ADAMTS7: variants seen among roughly 807,000 people sequenced by gnomAD.
ADAMTS7 encodes the protein ADAM metallopeptidase with thrombospondin type 1 motif 7.
A neutral mutation model predicts 172.6 loss-of-function variants in ADAMTS7; 89 were observed. That is an observed-to-expected ratio of 0.52 (90% CI 0.43 to 0.61). The LOEUF is 0.61. Ranked by LOEUF, ADAMTS7 falls within the 20% of genes least tolerant of loss-of-function variation. The pLI, the probability that ADAMTS7 is intolerant of heterozygous loss-of-function variation, is 0.00. For missense variants in ADAMTS7, 1,973 were observed against 2,355.6 expected (o/e 0.84, Z 3.36); for synonymous variants, 885 against 978.4 (o/e 0.90, Z 1.78).
At position 78,776,044 on chromosome 15, in the gene ADAMTS7, T is replaced by C. The variant is rs148491772; in HGVS notation, c.1706+144A>G. The C allele has an allele frequency of 2.2e-4, 259 of 1,151,570 alleles. 2 individuals are homozygous for C. Among genetic ancestry groups the C allele is most frequent in the Admixed American group, 2.1e-3 (67 of 32,386 alleles). 71.3% of individuals were successfully genotyped at this position (1,151,570 alleles called of 1,614,324 possible). A position where few individuals can be genotyped will look rare whatever the true frequency, so the allele number is the denominator to read the frequency against. ...CCCAGAACACTCCTTGAAAGTGACT[T>C]AAGGTGGCCTGGACACTCGGACTGA... is the stretch of plus-strand genomic sequence containing the variant. On this transcript the variant is annotated intron_variant, in intron 11 of 23. Coordinates refer to ENST00000388820, the MANE Select transcript of ADAMTS7 (RefSeq NM_014272.5).
chr15:78,795,939 G>A (rs1375441828), intron 4 of ADAMTS7, among the ~76,000 whole-genome samples: 1 of 152,184 alleles, frequency 6.6e-6, no homozygotes, highest in Non-Finnish European at 1.5e-5. Context: ...GCCCTGCCTG[G>A]TTGTGTGACC....
At chr15:78,775,245 T>C (rs1420696395) in intron 11 of ADAMTS7, among the ~76,000 whole-genome samples, 1 of 152,184 alleles carries the variant, frequency 6.6e-6, no homozygotes, top group African/African-American at 2.4e-5. Flanking sequence ...CTGGTGGCAG[T>C]ACCCCCAGCC....
Position 78,800,386 on chromosome 15 carries a change from C to G in ADAMTS7, c.262G>C (p.Gly88Arg), listed in dbSNP as rs767445542. 17 of 1,607,154 alleles carry G rather than the reference C, an allele frequency of 1.1e-5. No homozygotes were observed. Among genetic ancestry groups the G allele is most frequent in the Non-Finnish European group, 1.4e-5 (17 of 1,177,416 alleles). ...GTCAGGTTGAAGCGCAGCTCGCGCC[C>G]GCGGTATTGTAGCTCGTAGAAGGCG... ...APAFYELQYR[G>R]RELRFNLTAN... Residue 88 changes from glycine to arginine, a missense_variant, in exon 2 of 24, where the codon GGG becomes CGG. This residue lies in a region of ADAMTS7 where 306 missense variants were observed against 288.0 expected (regional missense o/e 1.06). Coordinates refer to ENST00000388820, the MANE Select transcript of ADAMTS7 (RefSeq NM_014272.5).
chr15:78,781,417 T>C (rs1361415988), intron 8 of ADAMTS7, among the ~76,000 whole-genome samples: 1 of 152,134 alleles, frequency 6.6e-6, no homozygotes, highest in Non-Finnish European at 1.5e-5. Context: ...GAAAGGACCT[T>C]GGGAGGATGG....
rs1457998327 is a variant in ADAMTS7 at position 78,800,355 on chromosome 15, T to C, written c.293A>G (p.Asn98Ser). The change falls in exon 2 of 24, where the codon AAT becomes AGT. Residue 98 changes from asparagine (N) to serine (S), a missense_variant. Physicochemically the swap from Asn to Ser is conservative, Grantham distance 46. Transcript: ENST00000388820. ...AAAGCCGGGCGCCAGCAGGTGCTGA[T>C]TGGCGGTCAGGTTGAAGCGCAGCTC... is the stretch of plus-strand genomic sequence containing the variant. Reference protein sequence around the residue: ...GRELRFNLTANQHLLAPGFVS... With the variant: ...GRELRFNLTASQHLLAPGFVS... 8 of 1,605,112 alleles carry C rather than the reference T, an allele frequency of 5.0e-6. No homozygotes were observed. Among genetic ancestry groups the C allele is most frequent in the African/African-American group, 2.7e-5 (2 of 74,600 alleles).
chr15:78,798,614 C>A (rs1202373569), intron 2 of ADAMTS7, among the ~76,000 whole-genome samples: 1 of 152,210 alleles, frequency 6.6e-6, no homozygotes, highest in Non-Finnish European at 1.5e-5. Context: ...CACAGCCACA[C>A]CCGAGCGGAG....
At position 78,771,247 on chromosome 15, in the gene ADAMTS7, C is replaced by G; in HGVS notation, c.2433G>C (p.Glu811Asp). 1 of 1,612,532 alleles carries G rather than the reference C, an allele frequency of 6.2e-7. No homozygotes were observed. Among genetic ancestry groups the G allele is most frequent in the South Asian group, 1.1e-5 (1 of 90,916 alleles). ...GCGGGACCTCGTCGTGGCCACCTGCCTCCCTGTGGATGGTGTACTCGTAGT... is the reference window on the plus strand; with the variant it reads ...GCGGGACCTCGTCGTGGCCACCTGCGTCCCTGTGGATGGTGTACTCGTAGT... ...GVHYEYTIHR[E>D]AGGHDEVPPP... The change falls in exon 16 of 24, where the codon GAG becomes GAC. Residue 811 changes from glutamate to aspartate, a missense_variant. Around this residue, in one of 8 missense-constraint regions of ADAMTS7, gnomAD observed 771 missense variants for 952.6 expected, o/e 0.81. Transcript: ENST00000388820. The surrounding 1 kb of genome is among the most constrained non-coding windows in gnomAD (Gnocchi z 4.9).
intron 8 of ADAMTS7, among the ~76,000 whole-genome samples, chr15:78,777,795 G>A (rs1013652092): frequency 2.6e-5 from 4 of 152,142 alleles, no homozygotes; most frequent in Non-Finnish European, 5.9e-5. Flanking sequence ...TCACCTCCTG[G>A]GCACTCCAGC....
chr15:78,759,834 C>G (rs369759486), intron 23 of ADAMTS7, among the ~76,000 whole-genome samples: 4,275 of 152,088 alleles, frequency 0.028, 85 homozygotes, highest in Middle Eastern at 0.051. Flanking sequence ...TCCTGAGACC[C>G]CACCCTGACC....
intron 8 of ADAMTS7, among the ~76,000 whole-genome samples, chr15:78,785,892 G>A (rs1253134855): frequency 6.6e-6 from 1 of 151,596 alleles, no homozygotes; most frequent in African/African-American, 2.4e-5. Flanking sequence ...GGGAGAAGTG[G>A]GGCAGGTGTA....
intron 1 of ADAMTS7, among the ~76,000 whole-genome samples, chr15:78,806,127 CAAAA>C (rs1169680816): frequency 3.4e-3 from 78 of 23,168 alleles, no homozygotes; most frequent in African/African-American, 0.01. Flanking sequence ...CACACACACA[CAAAA>C]AAAAAAAAAA....
At position 78,778,535 on chromosome 15, in the gene ADAMTS7, C is replaced by G. The variant is rs548677394; in HGVS notation, c.1323-947G>C. On this transcript the variant is annotated intron_variant, in intron 8 of 23. Coordinates refer to ENST00000388820, the MANE Select transcript of ADAMTS7 (RefSeq NM_014272.5). ...ATGGCTCATTGCTGTCCTGGAGGAA[C>G]TGGAGGAAGGTTTGCTGCCTTCTGG... Among the ~76,000 whole-genome samples the G allele has an allele frequency of 1.4e-3, 219 of 152,316 alleles. 1 individual carries two copies. The highest frequency in any genetic ancestry group is 5.1e-3 in the African/African-American group (213 of 41,566).
At chr15:78,763,650 A>G in intron 22 of ADAMTS7, 49 bp downstream of exon 22, 1 of 1,500,846 alleles carries the variant, frequency 6.7e-7, no homozygotes. Context: ...AAGACTGACC[A>G]GGCGCCACCA....
chr15:78,811,416 C>A lies in ADAMTS7; in HGVS notation c.-196G>T. The A allele has an allele frequency of 2.3e-6, 1 of 441,844 alleles. No homozygotes were observed. Among genetic ancestry groups the A allele is most frequent in the Non-Finnish European group, 3.7e-6 (1 of 273,420 alleles). 27.4% of individuals were successfully genotyped at this position (441,844 alleles called of 1,614,324 possible). A position where few individuals can be genotyped will look rare whatever the true frequency, so the allele number is the denominator to read the frequency against. On this transcript the variant is annotated 5_prime_UTR_variant, in exon 1 of 24. Coordinates refer to ENST00000388820, the MANE Select transcript of ADAMTS7 (RefSeq NM_014272.5). ...GCAGGGCCCGCCCCCTTGGCCGCTG[C>A]AGAGGCAAAGAAAAGACAAGAGAGC...
chr15:78,774,021 G>A (rs1172441231), intron 13 of ADAMTS7, 146 bp downstream of exon 13: 9 of 1,308,380 alleles, frequency 6.9e-6, no homozygotes, highest in Middle Eastern at 2.6e-4. Context: ...AGGGTGGCCC[G>A]AGGAGGACCA....
chr15:78,773,306 G>A (rs1203017958), intron 13 of ADAMTS7, 103 bp from the exon 14 acceptor site: 2 of 1,156,396 alleles, frequency 1.7e-6, no homozygotes, highest in Non-Finnish European at 1.2e-6. Context: ...TGGGAGTTGG[G>A]GTCGGGAGGC....
intron 19 of ADAMTS7, among the ~76,000 whole-genome samples, chr15:78,765,418 G>C (rs186864172): frequency 3.9e-5 from 6 of 152,382 alleles, no homozygotes; most frequent in African/African-American, 1.4e-4. Flanking sequence ...GCTCCATTCT[G>C]GGGTGTGCTG....
intron 23 of ADAMTS7, among the ~76,000 whole-genome samples, chr15:78,759,943 G>A (rs936111993): frequency 6.6e-6 from 1 of 152,172 alleles, no homozygotes; most frequent in Non-Finnish European, 1.5e-5. Context: ...TCCTGGCACA[G>A]AACTGCGGTC....
intron 8 of ADAMTS7, among the ~76,000 whole-genome samples, chr15:78,779,713 G>T (rs2141495420): frequency 6.6e-6 from 1 of 152,248 alleles, no homozygotes; most frequent in Admixed American, 6.5e-5. Flanking sequence ...TAGACTGGGG[G>T]CTCACCCATC....
Sources: allele counts gnomAD v4.1 joint callset (sites outside exome capture counted in the v4.1 genomes callset), GRCh38; gene constraint gnomAD v4.1.1; regional missense constraint gnomAD v4.1.1; non-coding constraint Gnocchi (gnomAD v3.1); transcripts MANE v1.5; gene names NCBI Gene and HGNC (gene_info 2026-07-23, HGNC 2026-07-21).